The following SNX11 variants were observed in gnomAD, a reference collection of about 807,000 sequenced individuals.
SNX11 encodes sorting nexin-11.
A neutral mutation model predicts 30.7 loss-of-function variants in SNX11; 19 were observed. That is an observed-to-expected ratio of 0.62 (90% confidence interval 0.43 to 0.91). SNX11 has a LOEUF of 0.91. Among genes scored for constraint, SNX11 ranks in the 40% least tolerant of loss-of-function variants. The pLI is 0.00. For synonymous variants in SNX11, 112 were observed against 119.0 expected (o/e 0.94, Z 0.38); for missense variants, 302 against 326.7 (o/e 0.92, Z 0.58).
chr17:48,118,559 CAG>C, intron 4 of SNX11, 143 bp from the exon 5 acceptor site: 1 of 572,298 alleles, frequency 1.7e-6, no homozygotes, highest in Non-Finnish European at 3.0e-6. Context: ...GCCTGGGCGA[CAG>C]AGCGAGACTC....
intron 1 of SNX11, among the ~76,000 whole-genome samples, chr17:48,111,622 G>A (rs2063492957): frequency 6.7e-6 from 1 of 148,696 alleles, no homozygotes; most frequent in Non-Finnish European, 1.5e-5. Context: ...ACTCCAGCCT[G>A]GGCAACAAGA....
rs373326219 is a variant in SNX11, at chr17:48,118,711, C to G, written c.238C>G (p.Pro80Ala). Residue 80 changes from proline to alanine, a missense_variant, in exon 5 of 7, where the codon CCT becomes GCT. Physicochemically the swap from Pro to Ala is conservative, Grantham distance 27. Transcript: ENST00000359238. ...TATCATGTGGCTGCACAGGCCTGTT[C>G]CTGAACTTCCTGGGAAGTCAACCTT... Reference protein sequence around the residue: ...LQRNAGLVPVPELPGKSTFFG... With the variant: ...LQRNAGLVPVAELPGKSTFFG... The G allele has an allele frequency of 1.9e-6, 3 of 1,613,588 alleles. No individual in the cohort carries two copies. The highest frequency in any genetic ancestry group is 2.7e-5 in the African/African-American group (2 of 75,008).
At chr17:48,115,282 G>A (rs1054142897) in intron 4 of SNX11, among the ~76,000 whole-genome samples, 11 of 151,216 alleles carry the variant, frequency 7.3e-5, no homozygotes, top group African/African-American at 2.2e-4. Flanking sequence ...GGCTGGTCTC[G>A]AACTCCCAAC....
Position 48,121,332 on chromosome 17 carries a change from T to A in SNX11, c.637T>A (p.Ser213Thr). The A allele has an allele frequency of 1.2e-6, 2 of 1,614,176 alleles. No homozygotes were observed. Among genetic ancestry groups the A allele is most frequent in the Non-Finnish European group, 1.7e-6 (2 of 1,180,032 alleles). ...HLEVWAPVVD[S>T]EVPSLESPTL... ...AGAAGTGTGGGCTCCAGTTGTTGAC[T>A]CTGAGGTTCCTTCCTTGGAAAGTCC... is the stretch of plus-strand genomic sequence containing the variant. Residue 213 changes from serine (S) to threonine (T), a missense_variant, in exon 7 of 7, where the codon TCT (serine) becomes ACT (threonine). Coordinates refer to ENST00000359238, the MANE Select transcript of SNX11 (RefSeq NM_013323.3).
At chr17:48,112,318 T>C in intron 2 of SNX11, 1 of 629,448 alleles carries the variant, frequency 1.6e-6, no homozygotes. Flanking sequence ...GAATGTAAGC[T>C]TCATGGGGGC....
At position 48,121,894 on chromosome 17, in the gene SNX11, G is replaced by T. The variant is rs1440409855; in HGVS notation, c.*386G>T. On this transcript the variant is annotated 3_prime_UTR_variant, in exon 7 of 7. Coordinates refer to ENST00000359238, the MANE Select transcript of SNX11 (RefSeq NM_013323.3). ...ATTGAACATCATCCCACTGGGAGTGGTTATGTTGTATCCCCATCTTGGCTG... is the reference window on the plus strand; with the variant it reads ...ATTGAACATCATCCCACTGGGAGTGTTTATGTTGTATCCCCATCTTGGCTG... The T allele has an allele frequency of 5.5e-6, 1 of 183,366 alleles. No individual in the cohort carries two copies. The highest frequency in any genetic ancestry group is 2.4e-5 in the African/African-American group (1 of 42,292). The allele number at this position is 183,366 out of a possible 1,614,324, so 11.4% of individuals were successfully genotyped here. A position where few individuals can be genotyped will look rare whatever the true frequency, so the allele number is the denominator to read the frequency against.
chr17:48,113,276 G>A (rs751602131), intron 3 of SNX11, 25 bp from the exon 4 acceptor site: 1 of 1,582,190 alleles, frequency 6.3e-7, no homozygotes, highest in Non-Finnish European at 8.7e-7. Flanking sequence ...CCCTTTTCAT[G>A]TACTTCATGT....
chr17:48,113,844 G>A (rs1463230821), intron 4 of SNX11, among the ~76,000 whole-genome samples: 5 of 151,388 alleles, frequency 3.3e-5, no homozygotes, highest in African/African-American at 9.7e-5. Context: ...CACCAGGCCC[G>A]GCTGGGAAAT....
intron 2 of SNX11, 77 bp downstream of exon 2, chr17:48,112,162 C>T: frequency 7.8e-7 from 1 of 1,276,172 alleles, no homozygotes; most frequent in Non-Finnish European, 1.1e-6. Context: ...CATAGAGATG[C>T]AAATCATTAA....
chr17:48,121,688 CA>C lies in SNX11; in HGVS notation c.*183del. 1 of 626,680 alleles carries C rather than the reference CA, an allele frequency of 1.6e-6. No homozygotes were observed. The highest frequency in any genetic ancestry group is 1.9e-5 in the South Asian group (1 of 51,558). The allele number at this position is 626,680 out of a possible 1,614,324, so 38.8% of individuals were successfully genotyped here. A position where few individuals can be genotyped will look rare whatever the true frequency, so the allele number is the denominator to read the frequency against. On this transcript the variant is annotated 3_prime_UTR_variant, in exon 7 of 7. Transcript: ENST00000359238. ...GCCCCTTATGCCTCTTCCATGGGAA[CA>C]AATACTGTGCAGATGTTTGTAAGTT...
At chr17:48,113,488 T>C in intron 4 of SNX11, 87 bp downstream of exon 4, 1 of 875,982 alleles carries the variant, frequency 1.1e-6, no homozygotes, top group Non-Finnish European at 1.9e-6. Flanking sequence ...GAAGAGAACT[T>C]GCAACATACC....
chr17:48,111,476 C>T (rs942651636), intron 1 of SNX11, among the ~76,000 whole-genome samples: 4 of 152,066 alleles, frequency 2.6e-5, no homozygotes, highest in South Asian at 2.1e-4. Context: ...GGAGAAACCC[C>T]GTCTCTACTA....
intron 1 of SNX11, chr17:48,110,710 G>A (rs1026931544): frequency 1.3e-5 from 2 of 152,654 alleles, no homozygotes; most frequent in Admixed American, 1.3e-4. Flanking sequence ...TTTCCCAGGA[G>A]CCAGCCTGGA....
At chr17:48,114,457 C>CTTT (rs34029008) in intron 4 of SNX11, among the ~76,000 whole-genome samples, 3 of 123,484 alleles carry the variant, frequency 2.4e-5, no homozygotes, top group Admixed American at 8.3e-5. Flanking sequence ...CCCAGGCCTT[C>CTTT]TTTTTTTTTT....
At chr17:48,113,551 T>TG (rs796595397) in intron 4 of SNX11, 150 bp downstream of exon 4, 34 of 472,664 alleles carry the variant, frequency 7.2e-5, no homozygotes, top group African/African-American at 6.8e-4. Flanking sequence ...TTTTTGGGTT[T>TG]TTTTTTTTTT....
chr17:48,118,453 C>T (rs1156573978), intron 4 of SNX11, among the ~76,000 whole-genome samples: 1 of 152,048 alleles, frequency 6.6e-6, no homozygotes, highest in Non-Finnish European at 1.5e-5. Flanking sequence ...GTGGCCTGCA[C>T]CTGTAATCCC....
At chr17:48,111,979 A>G in intron 1 of SNX11, 52 bp from the exon 2 acceptor site, 3 of 1,437,376 alleles carry the variant, frequency 2.1e-6, no homozygotes, top group Non-Finnish European at 2.0e-6. Flanking sequence ...GTAAAGAATG[A>G]TAAGAACAGA....
rs535760709 is a variant in SNX11 at position 48,121,453 on chromosome 17, G to A, written c.758G>A (p.Gly253Glu). ...CAGTCTGTGAGGAGGGCTGTGGGAG[G>A]AGATCATGCTGTGCCTTTGGACCCT... ...TLQSVRRAVG[G>E]DHAVPLDPGQ... Residue 253 changes from glycine to glutamate, a missense_variant, in exon 7 of 7, where the codon GGA becomes GAA. Transcript: ENST00000359238. 6.2e-7 allele frequency: 1 copy of A among 1,614,164 alleles called. No individual in the cohort carries two copies. Among genetic ancestry groups the A allele is most frequent in the East Asian group, 2.2e-5 (1 of 44,886 alleles).
At chr17:48,107,675 T>G (rs974138823), upstream of SNX11, 1 of 152,244 alleles carries the variant, frequency 6.6e-6, no homozygotes, top group African/African-American at 2.4e-5. Context: ...GGAATCCCAC[T>G]CAGAGCCCGG....
Sources: allele counts gnomAD v4.1 joint callset (sites outside exome capture counted in the v4.1 genomes callset), GRCh38; gene constraint gnomAD v4.1.1; transcripts MANE v1.5; gene names NCBI Gene and HGNC (gene_info 2026-07-23, HGNC 2026-07-21).